STXBP5L: variants seen among roughly 807,000 people sequenced by gnomAD.
The protein encoded by STXBP5L is syntaxin-binding protein 5-like.
STXBP5L carries 65 observed loss-of-function variants against 144.5 expected under a neutral mutation model. The ratio of observed to expected loss-of-function variants is 0.45; its 90% CI spans 0.37 to 0.55. The LOEUF (loss-of-function observed/expected upper bound fraction) is 0.55, where lower values mean the gene tolerates loss of function less well. STXBP5L is among the 20% of genes least tolerant of loss of function. The pLI, the probability that STXBP5L is intolerant of heterozygous loss-of-function variation, is 0.00. For synonymous variants in STXBP5L, 505 were observed against 469.6 expected (o/e 1.08, Z -0.97); for missense variants, 1,298 against 1,405.5 (o/e 0.92, Z 1.22).
At chr3:120,931,170 A>G (rs1709915900) in intron 2 of STXBP5L, among the ~76,000 whole-genome samples, 1 of 151,550 alleles carries the variant, frequency 6.6e-6, no homozygotes, top group South Asian at 2.1e-4. Context: ...AACTTGTGTT[A>G]GGTCATTTTA....
chr3:121,151,022 G>T (rs1205167544), intron 7 of STXBP5L, among the ~76,000 whole-genome samples: 1 of 151,996 alleles, frequency 6.6e-6, no homozygotes, highest in Non-Finnish European at 1.5e-5. Flanking sequence ...AGGAGGCGGA[G>T]GTTGCAGTGA....
intron 20 of STXBP5L, among the ~76,000 whole-genome samples, chr3:121,373,852 A>C (rs1025842328): frequency 1.3e-5 from 2 of 151,858 alleles, no homozygotes; most frequent in Non-Finnish European, 2.9e-5. Context: ...TGTGCACTCC[A>C]CTCAGGCACC....
chr3:120,936,396 A>G (rs866896509), intron 2 of STXBP5L, among the ~76,000 whole-genome samples: 2 of 52,690 alleles, frequency 3.8e-5, no homozygotes, highest in Non-Finnish European at 9.7e-5. Flanking sequence ...GTAATTTTTA[A>G]AATGGAAAAA....
intron 5 of STXBP5L, among the ~76,000 whole-genome samples, chr3:121,096,447 G>T (rs539009507): frequency 2.0e-5 from 3 of 152,044 alleles, no homozygotes; most frequent in Non-Finnish European, 4.4e-5. Context: ...TCTGGTTTTT[G>T]GAATTTTCAG....
chr3:120,979,511 A>G (rs747420267), intron 3 of STXBP5L, among the ~76,000 whole-genome samples: 16 of 152,068 alleles, frequency 1.1e-4, no homozygotes, highest in East Asian at 1.9e-4. Context: ...GAGTGAAGCA[A>G]TGCCTCACCC....
chr3:120,982,865 G>T (rs987946341), intron 3 of STXBP5L, among the ~76,000 whole-genome samples: 1 of 152,176 alleles, frequency 6.6e-6, no homozygotes, highest in Non-Finnish European at 1.5e-5. Flanking sequence ...GTATGCATGA[G>T]TCCTGGTTGG....
intron 6 of STXBP5L, among the ~76,000 whole-genome samples, chr3:121,116,972 G>A (rs2044257236): frequency 6.6e-6 from 1 of 151,920 alleles, no homozygotes; most frequent in Non-Finnish European, 1.5e-5. Flanking sequence ...AAGTAATTGA[G>A]AAGAATTTGT....
intron 3 of STXBP5L, among the ~76,000 whole-genome samples, chr3:121,040,569 T>G (rs1947074862): frequency 6.6e-6 from 1 of 152,122 alleles, no homozygotes; most frequent in Non-Finnish European, 1.5e-5. Context: ...GCTAAAGATT[T>G]GAGGAAGACC....
At chr3:121,332,138 A>G (rs2044340088) in intron 20 of STXBP5L, among the ~76,000 whole-genome samples, 1 of 151,982 alleles carries the variant, frequency 6.6e-6, no homozygotes. Flanking sequence ...TAAAAGAAAT[A>G]GTTTACCCAA....
intron 19 of STXBP5L, among the ~76,000 whole-genome samples, chr3:121,293,290 G>A (rs1197511430): frequency 6.6e-6 from 1 of 152,082 alleles, no homozygotes; most frequent in Non-Finnish European, 1.5e-5. Flanking sequence ...GTGACAGAAA[G>A]CAGATTAGTA....
intron 3 of STXBP5L, among the ~76,000 whole-genome samples, chr3:121,010,966 C>G (rs918706383): frequency 1.3e-5 from 2 of 150,638 alleles, no homozygotes; most frequent in African/African-American, 4.9e-5. Context: ...TTGTGTTGTT[C>G]AAGGGCCGAT....
At chr3:121,212,773 G>C (rs891431690) in intron 10 of STXBP5L, among the ~76,000 whole-genome samples, 1 of 152,050 alleles carries the variant, frequency 6.6e-6, no homozygotes, top group Non-Finnish European at 1.5e-5. Flanking sequence ...AGCTTGAGGG[G>C]GATAGCATTG....
chr3:120,987,330 G>A (rs574796592), intron 3 of STXBP5L, among the ~76,000 whole-genome samples: 1 of 151,998 alleles, frequency 6.6e-6, no homozygotes, highest in African/African-American at 2.4e-5. Flanking sequence ...TAATGCTGTA[G>A]TAAGAACTAA....
At chr3:120,918,873 T>G (rs769603457) in intron 2 of STXBP5L, among the ~76,000 whole-genome samples, 9 of 152,170 alleles carry the variant, frequency 5.9e-5, no homozygotes, top group Admixed American at 6.6e-5. Flanking sequence ...AATAACTCTT[T>G]GTCCTGATTT....
chr3:121,130,304 A>G (rs2044920283), intron 7 of STXBP5L, among the ~76,000 whole-genome samples: 1 of 152,138 alleles, frequency 6.6e-6, no homozygotes, highest in African/African-American at 2.4e-5. Flanking sequence ...AGACTGAACC[A>G]TGGAATGCCA....
intron 22 of STXBP5L, among the ~76,000 whole-genome samples, chr3:121,400,583 T>A (rs752094828): frequency 2.6e-5 from 4 of 152,168 alleles, no homozygotes; most frequent in Non-Finnish European, 5.9e-5. Context: ...TTAGCAGCCA[T>A]CAGACTCAAA....
At chr3:120,966,304 G>A (rs150811937) in intron 3 of STXBP5L, among the ~76,000 whole-genome samples, 2,489 of 152,204 alleles carry the variant, frequency 0.016, 63 homozygotes, top group African/African-American at 0.056. Flanking sequence ...GTCATTCTCC[G>A]TCCAGCTTTG....
At chr3:121,337,439 T>TAAAA (rs59662899) in intron 20 of STXBP5L, among the ~76,000 whole-genome samples, 1 of 71,064 alleles carries the variant, frequency 1.4e-5, no homozygotes, top group Non-Finnish European at 3.0e-5. Flanking sequence ...GCAACAACAG[T>TAAAA]AAAAAAAAAA....
At chr3:121,283,815 G>T (rs970048235) in intron 19 of STXBP5L, among the ~76,000 whole-genome samples, 42 of 151,888 alleles carry the variant, frequency 2.8e-4, no homozygotes, top group African/African-American at 1.0e-3. Flanking sequence ...TAGTCTCAGG[G>T]TAGTTTAATA....
Sources: allele counts gnomAD v4.1 joint callset (sites outside exome capture counted in the v4.1 genomes callset), GRCh38; gene constraint gnomAD v4.1.1; transcripts MANE v1.5; gene names NCBI Gene and HGNC (gene_info 2026-07-23, HGNC 2026-07-21).